MED12L: variants seen among roughly 807,000 people sequenced by gnomAD.
The protein encoded by MED12L is mediator of RNA polymerase II transcription subunit 12-like protein.
Under a neutral mutation model 281.3 loss-of-function variants are expected in MED12L, and 60 were observed. The ratio of observed to expected loss-of-function variants is 0.21; its 90% CI spans 0.17 to 0.26. MED12L has a LOEUF of 0.26. Ranked by LOEUF, MED12L falls within the 10% of genes least tolerant of loss-of-function variation. MED12L has a pLI of 1.00. For synonymous variants in MED12L, 974 were observed against 987.2 expected (o/e 0.99, Z 0.25); for missense variants, 2,146 against 2,680.9 (o/e 0.80, Z 4.41).
At chr3:151,245,344 G>C (rs1186954880) in intron 16 of MED12L, among the ~76,000 whole-genome samples, 1 of 151,824 alleles carries the variant, frequency 6.6e-6, no homozygotes, top group East Asian at 1.9e-4. Context: ...CAATATCCTT[G>C]ATGAACATTG....
intron 39 of MED12L, among the ~76,000 whole-genome samples, chr3:151,406,568 G>A (rs1200593944): frequency 2.0e-5 from 3 of 152,076 alleles, no homozygotes; most frequent in African/African-American, 7.2e-5. Context: ...AGTATGTTGG[G>A]ACAAACTGGT....
chr3:151,116,021 G>A (rs941084373), intron 2 of MED12L, among the ~76,000 whole-genome samples: 6 of 142,156 alleles, frequency 4.2e-5, no homozygotes, highest in East Asian at 2.1e-4. Context: ...CCGAGATTGC[G>A]CCGCTGCACT....
chr3:151,333,689 G>A (rs1272619838), intron 16 of MED12L, among the ~76,000 whole-genome samples: 1 of 152,066 alleles, frequency 6.6e-6, no homozygotes, highest in Non-Finnish European at 1.5e-5. Context: ...AGGATTATTG[G>A]TTCAGTCCTT....
Position 151,390,090 on chromosome 3 carries a change from C to T in MED12L, c.5563C>T (p.Pro1855Ser). 6.2e-7 allele frequency: 1 copy of T among 1,614,104 alleles called. No homozygotes were observed. Among genetic ancestry groups the T allele is most frequent in the Non-Finnish European group, 8.5e-7 (1 of 1,179,968 alleles). Residue 1855 changes from proline (P) to serine (S), a missense_variant, in exon 38 of 45, where the codon CCC becomes TCC. Transcript: ENST00000687756. Reference protein sequence around the residue: ...TLWGYNLVGQPQQPGFFLQNQ... With the variant: ...TLWGYNLVGQSQQPGFFLQNQ... ...GTGGGGTTACAACCTCGTGGGCCAG[C>T]CCCAGCAGCCCGGCTTTTTCCTTCA...
chr3:151,329,079 T>A, intron 16 of MED12L: 1 of 1,131,854 alleles, frequency 8.8e-7, no homozygotes, highest in Non-Finnish European at 1.3e-6. Context: ...TGCTATTTTT[T>A]AAAAACAGAC....
At chr3:151,199,207 A>G (rs369956369) in intron 16 of MED12L, 2 of 1,614,046 alleles carry the variant, frequency 1.2e-6, no homozygotes, top group African/African-American at 1.3e-5. Context: ...TAAGCAGGAA[A>G]TCGGCTGTAA....
chr3:151,407,686 TG>T (rs751741125), intron 39 of MED12L, among the ~76,000 whole-genome samples: 8 of 152,206 alleles, frequency 5.3e-5, no homozygotes, highest in Non-Finnish European at 8.8e-5. Context: ...GAGATACAAT[TG>T]TTTTTTTAAC....
At chr3:151,104,001 T>C (rs1395670859) in intron 2 of MED12L, among the ~76,000 whole-genome samples, 2 of 152,244 alleles carry the variant, frequency 1.3e-5, no homozygotes, top group East Asian at 3.8e-4. Flanking sequence ...AGTGGTATTA[T>C]TACCATGATT....
chr3:151,091,976 G>A (rs1220817261), intron 2 of MED12L, among the ~76,000 whole-genome samples: 1 of 152,218 alleles, frequency 6.6e-6, no homozygotes, highest in Non-Finnish European at 1.5e-5. Context: ...ACTCAACACA[G>A]GTCAGCCACT....
At chr3:151,240,107 A>G (rs1733776190) in intron 16 of MED12L, among the ~76,000 whole-genome samples, 1 of 151,180 alleles carries the variant, frequency 6.6e-6, no homozygotes, top group Admixed American at 6.6e-5. Context: ...CTGTAATTCC[A>G]GGCTCCATAA....
intron 5 of MED12L, among the ~76,000 whole-genome samples, chr3:151,151,876 A>G (rs1309851720): frequency 6.6e-6 from 1 of 152,168 alleles, no homozygotes; most frequent in Non-Finnish European, 1.5e-5. Flanking sequence ...TTCTTAAAAA[A>G]TGCAGTATTT....
chr3:151,271,767 A>G (rs1338820081), intron 16 of MED12L, among the ~76,000 whole-genome samples: 1 of 152,242 alleles, frequency 6.6e-6, no homozygotes, highest in African/African-American at 2.4e-5. Context: ...CAAGTCAGAC[A>G]CAAACGACTA....
At chr3:151,239,407 A>G (rs779651126) in intron 16 of MED12L, among the ~76,000 whole-genome samples, 7 of 152,244 alleles carry the variant, frequency 4.6e-5, no homozygotes, top group Non-Finnish European at 1.0e-4. Flanking sequence ...ATTTTCTTCA[A>G]CATACTTTTA....
chr3:151,106,538 G>T (rs1259285965), intron 2 of MED12L, among the ~76,000 whole-genome samples: 1 of 151,978 alleles, frequency 6.6e-6, no homozygotes, highest in African/African-American at 2.4e-5. Context: ...TCTTTACTTG[G>T]TTCACAGACC....
intron 16 of MED12L, chr3:151,212,450 A>G (rs1727322473): frequency 6.6e-6 from 1 of 152,216 alleles, no homozygotes; most frequent in Non-Finnish European, 1.5e-5. Flanking sequence ...ATTCGCCAGT[A>G]GATTAATATA....
intron 2 of MED12L, among the ~76,000 whole-genome samples, chr3:151,094,180 G>A (rs566784910): frequency 6.6e-6 from 1 of 152,310 alleles, no homozygotes; most frequent in African/African-American, 2.4e-5. Context: ...AAGAAAAGCA[G>A]AAGTAGAAGC....
At chr3:151,288,072 T>A (rs1743772320) in intron 16 of MED12L, among the ~76,000 whole-genome samples, 1 of 152,256 alleles carries the variant, frequency 6.6e-6, no homozygotes, top group Non-Finnish European at 1.5e-5. Context: ...TATTCTTCTA[T>A]CTTTCCACAA....
intron 11 of MED12L, among the ~76,000 whole-genome samples, chr3:151,184,608 A>G (rs1203620325): frequency 2.0e-5 from 3 of 152,092 alleles, no homozygotes; most frequent in Admixed American, 1.3e-4. Flanking sequence ...GACTCATGTC[A>G]TTTGGGTCCC....
chr3:151,385,013 CT>C lies in MED12L; in HGVS notation c.4927-16del. 7.6e-7 allele frequency: 1 copy of C among 1,316,470 alleles called. No individual in the cohort carries two copies. Among genetic ancestry groups the C allele is most frequent in the Non-Finnish European group, 1.1e-6 (1 of 912,600 alleles). The allele number at this position is 1,316,470 out of a possible 1,614,324, so 81.5% of individuals were successfully genotyped here. On this transcript the variant is annotated splice_polypyrimidine_tract_variant and intron_variant, in intron 35 of 44. Transcript: ENST00000687756. ...CTGTCCCACTTCTCACTCTCTCTCT[CT>C]CTCTTTTTTCTTTAGAAAGAGCTAG... is the stretch of plus-strand genomic sequence containing the variant.
Sources: allele counts gnomAD v4.1 joint callset (sites outside exome capture counted in the v4.1 genomes callset), GRCh38; gene constraint gnomAD v4.1.1; transcripts MANE v1.5; gene names NCBI Gene and HGNC (gene_info 2026-07-23, HGNC 2026-07-21).